RNF115: variants seen among roughly 807,000 people sequenced by gnomAD.
RNF115 encodes the protein ring finger protein 115.
A neutral mutation model predicts 39.2 loss-of-function variants in RNF115; 31 were observed. The ratio of observed to expected loss-of-function variants is 0.79; its 90% CI spans 0.59 to 1.07. RNF115 has a LOEUF of 1.07. RNF115 is among the 50% of genes least tolerant of loss of function. RNF115 has a pLI of 0.00. For missense variants in RNF115, 384 were observed against 381.7 expected (o/e 1.01, Z -0.05); for synonymous variants, 124 against 131.0 (o/e 0.95, Z 0.37).
intron 4 of RNF115, among the ~76,000 whole-genome samples, chr1:145,765,239 A>C (rs1553714605): frequency 6.6e-6 from 1 of 152,108 alleles, no homozygotes; most frequent in Non-Finnish European, 1.5e-5. Context: ...GTTAAGAGTC[A>C]TCACCACTCC....
chr1:145,762,334 C>T (rs1658565083), intron 4 of RNF115, among the ~76,000 whole-genome samples: 1 of 152,134 alleles, frequency 6.6e-6, no homozygotes, highest in Non-Finnish European at 1.5e-5. Context: ...GTTAGAAGTG[C>T]CTTAGCCTCC....
intron 3 of RNF115, among the ~76,000 whole-genome samples, chr1:145,780,535 G>T (rs367567661): frequency 2.4e-4 from 35 of 145,968 alleles, no homozygotes; most frequent in African/African-American, 8.4e-4. Context: ...CAGGATAATC[G>T]CTTGAACCCA....
intron 4 of RNF115, among the ~76,000 whole-genome samples, chr1:145,766,371 T>G (rs1241821585): frequency 2.0e-5 from 3 of 152,184 alleles, no homozygotes; most frequent in Admixed American, 2.0e-4. Flanking sequence ...CAGAACAAAA[T>G]GAAAAGTCTC....
chr1:145,794,349 T>G (rs1648834147), intron 1 of RNF115, among the ~76,000 whole-genome samples: 1 of 152,204 alleles, frequency 6.6e-6, no homozygotes, highest in Non-Finnish European at 1.5e-5. Flanking sequence ...ACAATCTCAT[T>G]GTCACCCCTC....
chr1:145,777,594 G>C (rs1647942526), intron 3 of RNF115, among the ~76,000 whole-genome samples: 1 of 151,814 alleles, frequency 6.6e-6, no homozygotes, highest in African/African-American at 2.4e-5. Context: ...TCTCTGAGTA[G>C]ACTTAGATAA....
chr1:145,792,481 C>T (rs1394508299), intron 1 of RNF115, among the ~76,000 whole-genome samples: 1 of 152,004 alleles, frequency 6.6e-6, no homozygotes, highest in Non-Finnish European at 1.5e-5. Flanking sequence ...CCATGCCTGG[C>T]CCTCAAGTGC....
At chr1:145,750,790 G>A (rs1281805591) in intron 6 of RNF115, among the ~76,000 whole-genome samples, 2 of 152,302 alleles carry the variant, frequency 1.3e-5, no homozygotes, top group Non-Finnish European at 2.9e-5. Flanking sequence ...GTGGTGTCAC[G>A]AGTAAAACTA....
rs1454063650 is a variant in RNF115 at position 145,739,236 on chromosome 1, G to A, written c.*7630C>T. 9 of 152,254 alleles carry A rather than the reference G, an allele frequency of 5.9e-5. No individual in the cohort carries two copies. Among genetic ancestry groups the A allele is most frequent in the African/African-American group, 2.2e-4 (9 of 41,452 alleles). The allele number at this position is 152,254 out of a possible 1,614,324, so 9.4% of individuals were successfully genotyped here. ...GATGACCTCTTGTCATAGTTAAGCAGAGAGTGGGCAGGATATTCCTGATAG... is the reference window on the plus strand; with the variant it reads ...GATGACCTCTTGTCATAGTTAAGCAAAGAGTGGGCAGGATATTCCTGATAG... On this transcript the variant is annotated 3_prime_UTR_variant, in exon 9 of 9. Coordinates refer to ENST00000582693, the MANE Select transcript of RNF115 (RefSeq NM_014455.4).
chr1:145,812,643 G>A (rs1553722851), intron 1 of RNF115, among the ~76,000 whole-genome samples: 1 of 147,016 alleles, frequency 6.8e-6, no homozygotes, highest in East Asian at 2.1e-4. Context: ...CTGGGTGACA[G>A]AGTGAGGCTT....
rs1553711049 is a variant in RNF115 at position 145,742,004 on chromosome 1, G to A, written c.*4862C>T. The A allele has an allele frequency of 1.3e-5, 2 of 152,336 alleles. No homozygotes were observed. The highest frequency in any genetic ancestry group is 4.8e-5 in the African/African-American group (2 of 41,438). 9.4% of individuals were successfully genotyped at this position (152,336 alleles called of 1,614,324 possible). ...CGTGCCTGTAATCCCAGCTACTTGGGAGGCTGAGGCAAGAGAATCGCTTGA... is the reference window on the plus strand; with the variant it reads ...CGTGCCTGTAATCCCAGCTACTTGGAAGGCTGAGGCAAGAGAATCGCTTGA... On this transcript the variant is annotated 3_prime_UTR_variant, in exon 9 of 9. Transcript: ENST00000582693.
chr1:145,751,413 A>G (rs1658081486), intron 6 of RNF115, 25 bp downstream of exon 6: 1 of 1,524,802 alleles, frequency 6.6e-7, no homozygotes, highest in East Asian at 2.4e-5. Context: ...CACTGAACAG[A>G]CACCCTCAAA....
At chr1:145,788,811 T>C in intron 2 of RNF115, 97 bp downstream of exon 2, 1 of 872,480 alleles carries the variant, frequency 1.1e-6, no homozygotes, top group Non-Finnish European at 1.9e-6. Context: ...CTCTGTAGAG[T>C]GTAAGTTGTA....
chr1:145,781,355 G>C (rs1249814129), intron 3 of RNF115, among the ~76,000 whole-genome samples: 2 of 152,076 alleles, frequency 1.3e-5, no homozygotes, highest in Non-Finnish European at 2.9e-5. Context: ...AACTAAAGCA[G>C]GGAAAAGAAA....
chr1:145,744,638 T>C lies in RNF115; in HGVS notation c.*2228A>G, dbSNP rs985416353. On this transcript the variant is annotated 3_prime_UTR_variant, in exon 9 of 9. Coordinates refer to ENST00000582693, the MANE Select transcript of RNF115 (RefSeq NM_014455.4). Reference sequence around the variant, plus strand: ...CCGTCACCCACAAATCAGCGTATGATAGTCAACAAAAACTGAGGAAAGACT... The same window carrying C: ...CCGTCACCCACAAATCAGCGTATGACAGTCAACAAAAACTGAGGAAAGACT... The C allele has an allele frequency of 1.3e-5, 2 of 152,240 alleles. No homozygotes were observed. The highest frequency in any genetic ancestry group is 2.9e-5 in the Non-Finnish European group (2 of 68,040). 9.4% of individuals were successfully genotyped at this position (152,240 alleles called of 1,614,324 possible).
At chr1:145,765,580 G>C (rs1332828756) in intron 4 of RNF115, among the ~76,000 whole-genome samples, 8 of 152,058 alleles carry the variant, frequency 5.3e-5, no homozygotes, top group Non-Finnish European at 1.2e-4. Flanking sequence ...CTTGATACTT[G>C]AGAAATTCAA....
chr1:145,766,097 A>T (rs952601306), intron 4 of RNF115, among the ~76,000 whole-genome samples: 2 of 152,048 alleles, frequency 1.3e-5, no homozygotes, highest in Non-Finnish European at 2.9e-5. Context: ...GTCAGCAGAT[A>T]AGTGAACAAA....
At chr1:145,788,783 C>A (rs782206305) in intron 2 of RNF115, 125 bp downstream of exon 2, 1 of 761,978 alleles carries the variant, frequency 1.3e-6, no homozygotes. Context: ...CTCACTCTCT[C>A]TCTCTCACTC....
chr1:145,750,051 A>C (rs781824961), intron 7 of RNF115, among the ~76,000 whole-genome samples: 5 of 152,124 alleles, frequency 3.3e-5, no homozygotes, highest in Non-Finnish European at 7.3e-5. Flanking sequence ...CATGTGTCCA[A>C]CACAGTTTTT....
chr1:145,765,890 G>T (rs782314464), intron 4 of RNF115, among the ~76,000 whole-genome samples: 83 of 152,072 alleles, frequency 5.5e-4, no homozygotes, highest in Non-Finnish European at 7.6e-4. Flanking sequence ...AAAGAAAATG[G>T]ACCTCATTTC....
Sources: allele counts gnomAD v4.1 joint callset (sites outside exome capture counted in the v4.1 genomes callset), GRCh38; gene constraint gnomAD v4.1.1; transcripts MANE v1.5; gene names NCBI Gene and HGNC (gene_info 2026-07-23, HGNC 2026-07-21).